MLXIP: variants seen among roughly 807,000 people sequenced by gnomAD.
MLXIP encodes MLX-interacting protein.
MLXIP carries 30 observed loss-of-function variants against 87.2 expected under a neutral mutation model. The ratio of observed to expected loss-of-function variants is 0.34; its 90% CI spans 0.26 to 0.47. The LOEUF (loss-of-function observed/expected upper bound fraction) is 0.47. Among genes scored for constraint, MLXIP ranks in the 20% least tolerant of loss-of-function variants. MLXIP has a pLI of 1.00. For synonymous variants in MLXIP, 530 were observed against 514.0 expected (o/e 1.03, Z -0.42); for missense variants, 1,002 against 1,240.1 (o/e 0.81, Z 2.88).
intron 1 of MLXIP, among the ~76,000 whole-genome samples, chr12:122,124,987 T>G (rs1226509600): frequency 6.6e-6 from 1 of 152,100 alleles, no homozygotes; most frequent in Non-Finnish European, 1.5e-5. Flanking sequence ...ACCAACATGA[T>G]GAAATCCCAT....
intron 1 of MLXIP, among the ~76,000 whole-genome samples, chr12:122,095,925 C>T (rs1178704506): frequency 2.0e-5 from 3 of 151,566 alleles, no homozygotes; most frequent in Non-Finnish European, 4.4e-5. Flanking sequence ...AGTGCAGTGG[C>T]GCGATCTCAG....
chr12:122,094,291 G>A lies in MLXIP; in HGVS notation c.413+15025G>A, dbSNP rs1342707865. 5.7e-3 allele frequency among the ~76,000 whole-genome samples: 799 copies of A among 140,350 alleles called. 3 individuals carry two copies. Among genetic ancestry groups the A allele is most frequent in the Non-Finnish European group, 8.7e-3 (561 of 64,806 alleles). The allele number at this position is 140,350 out of a possible 152,430, so 92.1% of individuals were successfully genotyped here. A position where few individuals can be genotyped will look rare whatever the true frequency, so the allele number is the denominator to read the frequency against. On this transcript the variant is annotated intron_variant, in intron 1 of 16. Coordinates refer to ENST00000319080, the MANE Select transcript of MLXIP (RefSeq NM_014938.6). ...TGGGTGTGTGCGATGTCTGTGTGTG[G>A]TGTGATGGTGTGTGTGGTGTGTGGT...
At chr12:122,118,515 T>G (rs952916514) in intron 1 of MLXIP, among the ~76,000 whole-genome samples, 1 of 152,120 alleles carries the variant, frequency 6.6e-6, no homozygotes, top group African/African-American at 2.4e-5. Context: ...TCCTCCCTCC[T>G]CTCCTACATG....
chr12:122,096,358 C>T (rs1267029696), intron 1 of MLXIP, among the ~76,000 whole-genome samples: 1 of 152,010 alleles, frequency 6.6e-6, no homozygotes, highest in Admixed American at 6.6e-5. Flanking sequence ...GATAACGCCT[C>T]CCATGTTTCT....
At chr12:122,116,913 G>A (rs544221301) in intron 1 of MLXIP, among the ~76,000 whole-genome samples, 1 of 152,334 alleles carries the variant, frequency 6.6e-6, no homozygotes, top group South Asian at 2.1e-4. Flanking sequence ...AGACATGGTG[G>A]TGTCTGTCCT....
At chr12:122,126,050 C>T (rs981230306) in intron 1 of MLXIP, among the ~76,000 whole-genome samples, 1 of 152,224 alleles carries the variant, frequency 6.6e-6, no homozygotes, top group African/African-American at 2.4e-5. Context: ...CAGATCAAAC[C>T]TCCACAGCCG....
intron 1 of MLXIP, among the ~76,000 whole-genome samples, chr12:122,096,356 C>G (rs974645526): frequency 6.6e-6 from 1 of 151,930 alleles, no homozygotes; most frequent in African/African-American, 2.4e-5. Flanking sequence ...TTGATAACGC[C>G]TCCCATGTTT....
At position 122,085,252 on chromosome 12, in the gene MLXIP, T is replaced by A. The variant is rs1952150392; in HGVS notation, c.413+5986T>A. 2.0e-5 allele frequency among the ~76,000 whole-genome samples: 3 copies of A among 151,588 alleles called. No individual in the cohort carries two copies. In the South Asian group the frequency reaches 6.2e-4, roughly 31 times the overall value. ...TGATGTCATTCGGCCTGTGTCATTA[T>A]GTGATCCCGGCTTACCAGAATCCCT... is the stretch of plus-strand genomic sequence containing the variant. On this transcript the variant is annotated intron_variant, in intron 1 of 16. Coordinates refer to ENST00000319080, the MANE Select transcript of MLXIP (RefSeq NM_014938.6).
At chr12:122,136,527 A>T (rs1953096071) in intron 11 of MLXIP, 1 of 151,080 alleles carries the variant, frequency 6.6e-6, no homozygotes, top group Non-Finnish European at 1.5e-5. Flanking sequence ...TACTCAGGAG[A>T]CCGAGATGGG....
intron 4 of MLXIP, 140 bp from the exon 5 acceptor site, chr12:122,129,448 G>A: frequency 9.6e-7 from 1 of 1,042,954 alleles, no homozygotes; most frequent in Non-Finnish European, 1.4e-6. Flanking sequence ...CTGGGTGGAA[G>A]TCTCCTTTGT....
At chr12:122,111,375 T>G (rs1276427109) in intron 1 of MLXIP, among the ~76,000 whole-genome samples, 2 of 152,250 alleles carry the variant, frequency 1.3e-5, no homozygotes. Flanking sequence ...CCTTGATTTA[T>G]TGCCTCTTTA....
chr12:122,135,682 G>T lies in MLXIP; in HGVS notation c.2032+16G>T. 1 of 1,472,514 alleles carries T rather than the reference G, an allele frequency of 6.8e-7. No individual in the cohort carries two copies. The allele number at this position is 1,472,514 out of a possible 1,614,324, so 91.2% of individuals were successfully genotyped here. On this transcript the variant is annotated intron_variant, in intron 11 of 16. Transcript: ENST00000319080. This position sits in a 1 kb window ranked among gnomAD's most constrained non-coding sequence, Gnocchi z 5.3. ...ACAGGGCCCAGTGAGTGTTCACTCG[G>T]CGGGATGGTTGGGGCATCGCAAGGG...
chr12:122,139,993 T>A (rs1018269934), intron 15 of MLXIP, among the ~76,000 whole-genome samples: 8 of 152,004 alleles, frequency 5.3e-5, no homozygotes, highest in African/African-American at 1.4e-4. Flanking sequence ...AGTTTTTAAT[T>A]GAAGAGATGA....
At position 122,147,058 on chromosome 12, in the gene MLXIP, T is replaced by C. The variant is rs1351215425; in HGVS notation, c.*5246T>C. Reference sequence around the variant, plus strand: ...CGGAAGCACCATGTTCCGTTCCTTTTTCAGGTTCAGTTTGTTGTGTAAATG... The same window carrying C: ...CGGAAGCACCATGTTCCGTTCCTTTCTCAGGTTCAGTTTGTTGTGTAAATG... On this transcript the variant is annotated 3_prime_UTR_variant, in exon 17 of 17. Transcript: ENST00000319080. 2 of 152,258 alleles carry C rather than the reference T, an allele frequency of 1.3e-5. No individual in the cohort carries two copies. Among genetic ancestry groups the C allele is most frequent in the African/African-American group, 2.4e-5 (1 of 41,456 alleles). The allele number at this position is 152,258 out of a possible 1,614,324, so 9.4% of individuals were successfully genotyped here. A position where few individuals can be genotyped will look rare whatever the true frequency, so the allele number is the denominator to read the frequency against.
intron 5 of MLXIP, 32 bp downstream of exon 5, chr12:122,129,661 AC>A (rs1565982177): frequency 1.3e-6 from 2 of 1,564,380 alleles, no homozygotes; most frequent in Non-Finnish European, 1.7e-6. Flanking sequence ...GAGGACCCCC[AC>A]TTTGACATGA....
chr12:122,127,599 T>C (rs10744335), intron 2 of MLXIP, among the ~76,000 whole-genome samples: 76,824 of 152,054 alleles, frequency 0.51, 19,916 homozygotes, highest in Middle Eastern at 0.64. Context: ...GTGTCATGGA[T>C]CCGGTAGCTT....
chr12:122,134,399 A>C (rs2135983979), intron 9 of MLXIP: 1 of 181,740 alleles, frequency 5.5e-6, no homozygotes, highest in Non-Finnish European at 1.1e-5. Flanking sequence ...ATGGAGTCTC[A>C]CTCTGTCGCC....
At chr12:122,127,427 C>A in intron 2 of MLXIP, 65 bp downstream of exon 2, 1 of 1,184,162 alleles carries the variant, frequency 8.4e-7, no homozygotes, top group South Asian at 1.5e-5. Context: ...GCCTGGGCAC[C>A]CAGGGACCAG....
At chr12:122,118,948 C>T (rs1182183045) in intron 1 of MLXIP, among the ~76,000 whole-genome samples, 2 of 151,074 alleles carry the variant, frequency 1.3e-5, no homozygotes, top group Non-Finnish European at 2.9e-5. Flanking sequence ...GGGCAGATCA[C>T]GAGGTCAGGA....
Sources: allele counts gnomAD v4.1 joint callset (sites outside exome capture counted in the v4.1 genomes callset), GRCh38; gene constraint gnomAD v4.1.1; non-coding constraint Gnocchi (gnomAD v3.1); transcripts MANE v1.5; gene names NCBI Gene and HGNC (gene_info 2026-07-23, HGNC 2026-07-21).